Variants in GOLGA3 observed in about 807,000 individuals in gnomAD.
GOLGA3 encodes the protein golgin A3.
GOLGA3 carries 75 observed loss-of-function variants against 169.4 expected under a neutral mutation model. The observed-to-expected ratio is 0.44, with a 90% CI of 0.37 to 0.54. The LOEUF is 0.54. Among genes scored for constraint, GOLGA3 ranks in the 20% least tolerant of loss-of-function variants. GOLGA3 has a pLI of 0.00. For missense variants in GOLGA3, 1,899 were observed against 1,930.0 expected, an observed-to-expected ratio of 0.98 and a Z score of 0.30; for synonymous variants, 824 against 822.4, an observed-to-expected ratio of 1.00 and a Z score of -0.03.
chr12:132,825,042 G>A (rs1012029897), intron 1 of GOLGA3, among the ~76,000 whole-genome samples: 63 of 152,184 alleles, frequency 4.1e-4, no homozygotes, highest in Non-Finnish European at 7.5e-4. Context: ...ACACGCGGTG[G>A]AATGTGGACT....
At chr12:132,828,702 C>CCCGCCGCCCCACGCCCGGCCT (rs144815736) in intron 1 of GOLGA3, 101 bp downstream of exon 1, 147,786 of 152,306 alleles carry the variant, frequency 0.97, 71,865 homozygotes, top group East Asian at 1. Context: ...GCGCCCAGGC[C>CCCGCCGCCCCACGCCCGGCCT]CCGCCGCCGC....
rs149703081 is a variant in GOLGA3, at chr12:132,775,160, C to T, written c.4124G>A (p.Arg1375His). 2.1e-3 allele frequency: 3,372 copies of T among 1,613,792 alleles called. 7 individuals carry two copies. Among genetic ancestry groups the T allele is most frequent in the Non-Finnish European group, 2.7e-3 (3,240 of 1,179,986 alleles). Residue 1375 changes from arginine to histidine, a missense_variant, in exon 22 of 24, where the codon CGC (arginine) becomes CAC (histidine). Coordinates refer to ENST00000450791, the MANE Select transcript of GOLGA3 (RefSeq NM_001389683.1). ...QQNQQLKLDL[R>H]RGAAKTRKEP... is the part of the protein sequence containing the mutation. ...GAGTACCGTCTTGGCCGCGCCGCGG[C>T]GTAGGTCCAGCTTGAGCTGCTGGTT...
intron 3 of GOLGA3, 50 bp from the exon 4 acceptor site, chr12:132,813,469 G>C (rs764783442): frequency 6.0e-6 from 6 of 992,974 alleles, no homozygotes; most frequent in Admixed American, 4.0e-5. Context: ...CCAGGATGCA[G>C]AACAATCAGG....
rs537117291 is a variant in GOLGA3 at position 132,776,484 on chromosome 12, G to A, written c.3978+150C>T. 5 of 1,492,020 alleles carry A rather than the reference G, an allele frequency of 3.4e-6. No homozygotes were observed. The African/African-American group carries it at 7.7e-5, about 23-fold the overall frequency. 92.4% of individuals were successfully genotyped at this position (1,492,020 alleles called of 1,614,324 possible). ...GCCTCACACACAGGTACCCGCAGCA[G>A]CTGCTGTAGCCCCTCCAGTTCCTTC... is the stretch of plus-strand genomic sequence containing the variant. On this transcript the variant is annotated intron_variant, in intron 21 of 23. Transcript: ENST00000450791.
At chr12:132,816,452 C>G in intron 3 of GOLGA3, 88 bp downstream of exon 3, 1 of 1,371,050 alleles carries the variant, frequency 7.3e-7, no homozygotes, top group Non-Finnish European at 1.0e-6. Context: ...CACAACAGCT[C>G]AGACAGTGAG....
At chr12:132,818,896 C>T (rs1036515752) in intron 2 of GOLGA3, among the ~76,000 whole-genome samples, 2 of 151,944 alleles carry the variant, frequency 1.3e-5, no homozygotes, top group Admixed American at 1.3e-4. Context: ...TCTATACCCA[C>T]GTGTTACCTC....
intron 3 of GOLGA3, among the ~76,000 whole-genome samples, chr12:132,815,143 A>G (rs1949900688): frequency 6.6e-6 from 1 of 152,264 alleles, no homozygotes; most frequent in Non-Finnish European, 1.5e-5. Context: ...TATACATTTT[A>G]TCACTGAAAA....
intron 1 of GOLGA3, among the ~76,000 whole-genome samples, chr12:132,826,608 G>A (rs534246212): frequency 2.0e-4 from 30 of 152,192 alleles, no homozygotes; most frequent in Admixed American, 1.6e-3. Flanking sequence ...ACCCCATGAC[G>A]GTGACTGTAA....
In GOLGA3 at chr12:132,775,174, G is replaced by A; in HGVS notation, c.4110C>T (p.Leu1370=). ...CCGCGCCGCGGCGTAGGTCCAGCTTGAGCTGCTGGTTCTGCTGGAGCAGGG... is the reference window on the plus strand; with the variant it reads ...CCGCGCCGCGGCGTAGGTCCAGCTTAAGCTGCTGGTTCTGCTGGAGCAGGG... ...MKTLLQQNQQ[L]KLDLRRGAAK... The change falls in exon 22 of 24, where the codon CTC becomes CTT. Residue 1370 remains leucine, a synonymous_variant. Coordinates refer to ENST00000450791, the MANE Select transcript of GOLGA3 (RefSeq NM_001389683.1). 1 of 1,614,038 alleles carries A rather than the reference G, an allele frequency of 6.2e-7. No homozygotes were observed. Among genetic ancestry groups the A allele is most frequent in the Non-Finnish European group, 8.5e-7 (1 of 1,180,012 alleles).
chr12:132,815,058 C>G (rs1949896542), intron 3 of GOLGA3, among the ~76,000 whole-genome samples: 1 of 152,234 alleles, frequency 6.6e-6, no homozygotes, highest in Admixed American at 6.5e-5. Context: ...AGGAGATGAG[C>G]AGCTACTGTC....
Position 132,777,841 on chromosome 12 carries a change from G to A in GOLGA3, c.3583-36C>T, listed in dbSNP as rs372634484. On this transcript the variant is annotated intron_variant, in intron 18 of 23. Coordinates refer to ENST00000450791, the MANE Select transcript of GOLGA3 (RefSeq NM_001389683.1). This position sits in a 1 kb window ranked among gnomAD's most constrained non-coding sequence, Gnocchi z 4.7. ...GGAAGCCACGTTGTCCATGCCCTGCGTGACACCCACAGCTTTATGACGTGC... is the reference window on the plus strand; with the variant it reads ...GGAAGCCACGTTGTCCATGCCCTGCATGACACCCACAGCTTTATGACGTGC... 1.4e-5 allele frequency: 23 copies of A among 1,609,762 alleles called. No homozygotes were observed. The highest frequency in any genetic ancestry group is 6.7e-5 in the East Asian group (3 of 44,840).
intron 1 of GOLGA3, chr12:132,827,802 T>G (rs1042039728): frequency 6.6e-6 from 1 of 151,890 alleles, no homozygotes; most frequent in Admixed American, 6.6e-5. Context: ...GTGTGGCTGC[T>G]CACACCTGTA....
At position 132,776,590 on chromosome 12, in the gene GOLGA3, T is replaced by TG. The variant is rs527380818; in HGVS notation, c.3978+43_3978+44insC. On this transcript the variant is annotated intron_variant, in intron 21 of 23. Coordinates refer to ENST00000450791, the MANE Select transcript of GOLGA3 (RefSeq NM_001389683.1). ...TGCTGTAGCCCCTCCAGCTCCTTCC[T>TG]CCCTGCTGCTCCCGCCTGTGCCCAG... is the stretch of plus-strand genomic sequence containing the variant. 13 of 1,024,146 alleles carry TG rather than the reference T, an allele frequency of 1.3e-5. No homozygotes were observed. The African/African-American group carries it at 2.2e-4, about 18-fold the overall frequency. 63.4% of individuals were successfully genotyped at this position (1,024,146 alleles called of 1,614,324 possible). A position where few individuals can be genotyped will look rare whatever the true frequency, so the allele number is the denominator to read the frequency against.
intron 4 of GOLGA3, among the ~76,000 whole-genome samples, chr12:132,809,405 C>T (rs552330585): frequency 6.6e-4 from 101 of 152,176 alleles, no homozygotes; most frequent in African/African-American, 2.2e-3. Flanking sequence ...TAAACTCCCC[C>T]GGGGAAAGGG....
chr12:132,812,485 C>T (rs1949768045), intron 4 of GOLGA3, among the ~76,000 whole-genome samples: 1 of 152,082 alleles, frequency 6.6e-6, no homozygotes, highest in Non-Finnish European at 1.5e-5. Context: ...AAGGATTCAC[C>T]ATTCTAGATG....
At chr12:132,814,368 G>A (rs11836098) in intron 3 of GOLGA3, among the ~76,000 whole-genome samples, 3,928 of 152,262 alleles carry the variant, frequency 0.026, 154 homozygotes, top group African/African-American at 0.089. Context: ...CAAAGCTGGA[G>A]CCGTGCCGAG....
At chr12:132,807,544 T>C (rs969052085) in intron 5 of GOLGA3, among the ~76,000 whole-genome samples, 13 of 152,162 alleles carry the variant, frequency 8.5e-5, no homozygotes, top group African/African-American at 3.1e-4. Flanking sequence ...GACAAGTCTA[T>C]GTAAACGGGA....
chr12:132,796,272 G>A (rs773308925), intron 10 of GOLGA3, 52 bp from the exon 11 acceptor site: 24 of 1,527,170 alleles, frequency 1.6e-5, no homozygotes, highest in South Asian at 2.4e-5. Flanking sequence ...CTCCGAGAGC[G>A]TATGCCCTTT....
chr12:132,801,731 G>A lies in GOLGA3; in HGVS notation c.1800+36C>T, dbSNP rs550626855. The A allele has an allele frequency of 1.4e-5, 22 of 1,571,630 alleles. No individual in the cohort carries two copies. The South Asian group carries it at 2.1e-4, about 15-fold the overall frequency. On this transcript the variant is annotated intron_variant, in intron 8 of 23. Transcript: ENST00000450791. The stretch of plus-strand genomic sequence containing the variant: ...GCACCGTTCTACATGAAGACAAGAA[G>A]CGTGACCTGCCCTGGAAGGTAGATG...
Sources: gnomAD v4.1 joint callset for allele counts (sites outside exome capture counted in the v4.1 genomes callset) on GRCh38, gnomAD v4.1.1 for gene constraint, Gnocchi (gnomAD v3.1) non-coding constraint, MANE v1.5 for transcripts, NCBI Gene and HGNC (gene_info 2026-07-23, HGNC 2026-07-21) for gene names.